PCDHGA1: variants seen among roughly 807,000 people sequenced by gnomAD.
The protein encoded by PCDHGA1 is protocadherin gamma subfamily A, 1.
PCDHGA1 carries 32 observed loss-of-function variants against 58.0 expected under a neutral mutation model. The observed-to-expected ratio is 0.55, with a 90% CI of 0.42 to 0.74. PCDHGA1 has a LOEUF of 0.74. PCDHGA1 is among the 30% of genes least tolerant of loss of function. PCDHGA1 has a pLI of 0.00. For missense variants in PCDHGA1, 1,205 were observed against 1,182.3 expected (o/e 1.02, Z -0.28); for synonymous variants, 498 against 501.1 (o/e 0.99, Z 0.08).
intron 1 of PCDHGA1, chr5:141,357,581 C>G: frequency 6.2e-7 from 1 of 1,614,192 alleles, no homozygotes. Flanking sequence ...CTTCTGATAA[C>G]TCAGGATTTA....
In PCDHGA1 at chr5:141,355,188, C is replaced by T. The variant is rs779562339; in HGVS notation, c.2421+22083C>T. On this transcript the variant is annotated intron_variant, in intron 1 of 3. Coordinates refer to ENST00000517417, the MANE Select transcript of PCDHGA1 (RefSeq NM_018912.3). ...GAAAACCGAAGCACAGGCGACTCCG[C>T]GGCGGGGTTGTAATGGCGGCGCCTC... 35 of 1,589,838 alleles carry T rather than the reference C, an allele frequency of 2.2e-5. No homozygotes were observed. In the Admixed American group the frequency reaches 2.3e-4, roughly 10 times the overall value.
At position 141,371,452 on chromosome 5, in the gene PCDHGA1, C is replaced by A. The variant is rs1430739263; in HGVS notation, c.2421+38347C>A. The stretch of plus-strand genomic sequence containing the variant: ...CCGGAGATAACCCTGGCTTCTGAAT[C>A]CCAACATATACAAGAAGATGCTGAG... On this transcript the variant is annotated intron_variant, in intron 1 of 3. Coordinates refer to ENST00000517417, the MANE Select transcript of PCDHGA1 (RefSeq NM_018912.3). 3.7e-6 allele frequency: 6 copies of A among 1,613,858 alleles called. No homozygotes were observed. In the Admixed American group the frequency reaches 8.3e-5, roughly 22 times the overall value.
At chr5:141,340,034 T>G (rs1273894927) in intron 1 of PCDHGA1, 2 of 1,614,064 alleles carry the variant, frequency 1.2e-6, no homozygotes, top group Non-Finnish European at 1.7e-6. Context: ...TGCTACTAGC[T>G]CAGTTTCTGA....
intron 1 of PCDHGA1, chr5:141,356,122 G>C: frequency 6.2e-6 from 10 of 1,613,886 alleles, no homozygotes; most frequent in African/African-American, 1.3e-5. Flanking sequence ...GGGGGGTCTA[G>C]ATTATGAGGA....
Position 141,490,765 on chromosome 5 carries a change from G to A in PCDHGA1, c.2422-4042G>A. The A allele has an allele frequency of 6.2e-7, 1 of 1,614,076 alleles. No individual in the cohort carries two copies. The highest frequency in any genetic ancestry group is 8.5e-7 in the Non-Finnish European group (1 of 1,179,914). ...AGCCCCAGCCTCCTCCTTTGTGTAT[G>A]TCAACCCAGAGGATGGACGGATCTT... On this transcript the variant is annotated intron_variant, in intron 1 of 3. Coordinates refer to ENST00000517417, the MANE Select transcript of PCDHGA1 (RefSeq NM_018912.3). This position sits in a 1 kb window ranked among gnomAD's most constrained non-coding sequence, Gnocchi z 5.4.
chr5:141,442,149 T>C, intron 1 of PCDHGA1: 1 of 159,274 alleles, frequency 6.3e-6, no homozygotes, highest in Non-Finnish European at 1.4e-5. Flanking sequence ...CTGCCAGACC[T>C]CAGCGATCAC....
chr5:141,433,076 C>G, intron 1 of PCDHGA1: 1 of 1,614,188 alleles, frequency 6.2e-7, no homozygotes, highest in Non-Finnish European at 8.5e-7. Context: ...CTTCCCCCAG[C>G]CCAACTATGC....
chr5:141,431,222 C>T lies in PCDHGA1; in HGVS notation c.2422-63585C>T. On this transcript the variant is annotated intron_variant, in intron 1 of 3. Transcript: ENST00000517417. The surrounding 1 kb of genome is among the most constrained non-coding windows in gnomAD (Gnocchi z 4.8). ...AGCCACTGAGATGCGGTTCCCTCTA[C>T]CCCACGCCTGGGATCCGGATATCGG... The T allele has an allele frequency of 6.2e-7, 1 of 1,614,170 alleles. No individual in the cohort carries two copies. Among genetic ancestry groups the T allele is most frequent in the South Asian group, 1.1e-5 (1 of 91,090 alleles).
intron 1 of PCDHGA1, chr5:141,352,333 C>T: frequency 6.2e-7 from 1 of 1,614,084 alleles, no homozygotes; most frequent in Non-Finnish European, 8.5e-7. Flanking sequence ...TGGTTGTGGC[C>T]TTGGCCTTGA....
intron 1 of PCDHGA1, chr5:141,409,494 C>T (rs755680835): frequency 8.1e-6 from 13 of 1,613,910 alleles, no homozygotes; most frequent in South Asian, 3.3e-5. Context: ...GGCAAGCCGC[C>T]TCTTTCTTCC....
intron 1 of PCDHGA1, among the ~76,000 whole-genome samples, chr5:141,439,043 G>T (rs1688170264): frequency 6.6e-6 from 1 of 151,346 alleles, no homozygotes; most frequent in Non-Finnish European, 1.5e-5. Flanking sequence ...CAGTTCATAA[G>T]ATTTCCATAT....
In PCDHGA1 at chr5:141,491,556, C is replaced by T. The variant is rs2099720720; in HGVS notation, c.2422-3251C>T. The T allele has an allele frequency of 1.2e-6, 2 of 1,613,848 alleles. No homozygotes were observed. The highest frequency in any genetic ancestry group is 1.7e-5 in the Admixed American group (1 of 60,000). ...TGCGGCCCACAGACTCGCAGAGCCA[C>T]TGCTACAGGACGTGCTTTTCACCGG... On this transcript the variant is annotated intron_variant, in intron 1 of 3. Transcript: ENST00000517417. The surrounding 1 kb of genome is among the most constrained non-coding windows in gnomAD (Gnocchi z 6.9).
At position 141,390,587 on chromosome 5, in the gene PCDHGA1, A is replaced by G. The variant is rs1043489470; in HGVS notation, c.2421+57482A>G. The G allele has an allele frequency of 4.1e-5, 14 of 340,484 alleles. No homozygotes were observed. The Admixed American group carries it at 6.3e-4, about 15-fold the overall frequency. The allele number at this position is 340,484 out of a possible 1,614,324, so 21.1% of individuals were successfully genotyped here. A position where few individuals can be genotyped will look rare whatever the true frequency, so the allele number is the denominator to read the frequency against. Reference sequence around the variant, plus strand: ...TTGGCTCTCTCCTAAAAAGTGAATGAGATTTTTCCTATACATTTTCCTTCT... The same window carrying G: ...TTGGCTCTCTCCTAAAAAGTGAATGGGATTTTTCCTATACATTTTCCTTCT... On this transcript the variant is annotated intron_variant, in intron 1 of 3. Transcript: ENST00000517417.
intron 1 of PCDHGA1, chr5:141,399,493 A>G (rs2093820399): frequency 1.2e-6 from 2 of 1,614,036 alleles, no homozygotes; most frequent in African/African-American, 2.7e-5. Context: ...CTACTTAGTC[A>G]GTGTACCCGA....
At chr5:141,505,538 T>C in intron 3 of PCDHGA1, 57 bp downstream of exon 3, 1 of 1,610,262 alleles carries the variant, frequency 6.2e-7, no homozygotes, top group Non-Finnish European at 8.5e-7. Context: ...CTGGGGTGCA[T>C]CTCACAGCCA....
At chr5:141,438,635 T>TAC (rs56854727) in intron 1 of PCDHGA1, among the ~76,000 whole-genome samples, 5 of 33,422 alleles carry the variant, frequency 1.5e-4, no homozygotes, top group Admixed American at 8.3e-4. Flanking sequence ...TATATATATA[T>TAC]ACACACACAC....
chr5:141,357,368 G>T, intron 1 of PCDHGA1: 1 of 1,614,156 alleles, frequency 6.2e-7, no homozygotes, highest in Non-Finnish European at 8.5e-7. Context: ...CACAAGTCAC[G>T]CCTGCTTCAC....
rs992050731 is a variant in PCDHGA1, at chr5:141,332,335, T to C, written c.1651T>C (p.Phe551Leu). ...CAGCAGCAACGTGTCTCTCAGCCTA[T>C]TCCTGCTGGACCAGAACGACAACGC... ...PLSSNVSLSL[F>L]LLDQNDNAPE... The change falls in exon 1 of 4, where the codon TTC (phenylalanine) becomes CTC (leucine). Residue 551 changes from phenylalanine (F) to leucine (L), a missense_variant. Transcript: ENST00000517417. This position sits in a 1 kb window ranked among gnomAD's most constrained non-coding sequence, Gnocchi z 4.6. 8.1e-6 allele frequency: 13 copies of C among 1,614,174 alleles called. No individual in the cohort carries two copies. The highest frequency in any genetic ancestry group is 9.3e-6 in the Non-Finnish European group (11 of 1,180,028).
intron 1 of PCDHGA1, among the ~76,000 whole-genome samples, chr5:141,437,807 G>T (rs910427301): frequency 6.7e-6 from 1 of 149,476 alleles, no homozygotes; most frequent in Non-Finnish European, 1.5e-5. Flanking sequence ...GCACTATCTT[G>T]GCTCACTGCA....
Sources: allele counts gnomAD v4.1 joint callset (sites outside exome capture counted in the v4.1 genomes callset), GRCh38; gene constraint gnomAD v4.1.1; non-coding constraint Gnocchi (gnomAD v3.1); transcripts MANE v1.5; gene names NCBI Gene and HGNC (gene_info 2026-07-23, HGNC 2026-07-21).